The following IGSF9B variants were observed in gnomAD, a reference collection of about 807,000 sequenced individuals.
IGSF9B encodes immunoglobulin superfamily member 9B.
Under a neutral mutation model 143.7 loss-of-function variants are expected in IGSF9B, and 48 were observed. The ratio of observed to expected loss-of-function variants is 0.33; its 90% CI spans 0.26 to 0.42. The LOEUF is 0.42. Among genes scored for constraint, IGSF9B ranks in the 20% least tolerant of loss-of-function variants. The pLI, the probability that IGSF9B is intolerant of heterozygous loss-of-function variation, is 1.00. For synonymous variants in IGSF9B, 903 were observed against 833.1 expected, an observed-to-expected ratio of 1.08 and a Z score of -1.44; for missense variants, 1,706 against 1,980.0, an observed-to-expected ratio of 0.86 and a Z score of 2.63.
rs774578702 is a variant in IGSF9B at position 133,945,686 on chromosome 11, G to A, written c.262+375C>T. On this transcript the variant is annotated intron_variant, in intron 2 of 19. Transcript: ENST00000533871. This position sits in a 1 kb window ranked among gnomAD's most constrained non-coding sequence, Gnocchi z 4.6. Reference sequence around the variant, plus strand: ...TACACTCAGGACGGGAAGGCGCCCCGACTTCAGAGCCAAGAGGAAAGGGGT... The same window carrying A: ...TACACTCAGGACGGGAAGGCGCCCCAACTTCAGAGCCAAGAGGAAAGGGGT... Among the ~76,000 whole-genome samples the A allele has an allele frequency of 6.6e-6, 1 of 152,146 alleles. No individual in the cohort carries two copies. Among genetic ancestry groups the A allele is most frequent in the Non-Finnish European group, 1.5e-5 (1 of 68,044 alleles).
chr11:133,929,605 C>A, intron 12 of IGSF9B, 66 bp downstream of exon 12: 1 of 1,214,230 alleles, frequency 8.2e-7, no homozygotes, highest in Non-Finnish European at 1.2e-6. Flanking sequence ...GGGTAGCCTG[C>A]AGGAAGACCG....
At chr11:133,922,992 A>G (rs1050610093) in intron 15 of IGSF9B, among the ~76,000 whole-genome samples, 3 of 152,234 alleles carry the variant, frequency 2.0e-5, no homozygotes, top group African/African-American at 7.2e-5. Flanking sequence ...TAATGACTTC[A>G]AGAGTAATCT....
chr11:133,918,334 A>ACACCGGCCGGGGGG (rs1338406130), intron 18 of IGSF9B, among the ~76,000 whole-genome samples: 1 of 151,782 alleles, frequency 6.6e-6, no homozygotes. Context: ...GCAGTTACCA[A>ACACCGGCCGGGGGG]CACCGGCCGG....
Position 133,935,823 on chromosome 11 carries a change from A to G in IGSF9B, c.822-61T>C, listed in dbSNP as rs1174236490. On this transcript the variant is annotated intron_variant, in intron 6 of 19. Transcript: ENST00000533871. ...CAGAAGGGGATCTTGCCGCAGACAC[A>G]CAGTCACCGTCACTGCCCCAGATGT... is the stretch of plus-strand genomic sequence containing the variant. The G allele has an allele frequency of 2.8e-5, 44 of 1,573,382 alleles. No homozygotes were observed. In the South Asian group the frequency reaches 3.9e-4, roughly 14 times the overall value.
chr11:133,930,974 G>C lies in IGSF9B; in HGVS notation c.1519+10C>G. 1 of 1,604,342 alleles carries C rather than the reference G, an allele frequency of 6.2e-7. No individual in the cohort carries two copies. Among genetic ancestry groups the C allele is most frequent in the Non-Finnish European group, 8.5e-7 (1 of 1,174,754 alleles). ...CCCCGCCGCCCGGCCCAGCCTTGCC[G>C]GCCACGTACCGATGACGGTGAGGTG... On this transcript the variant is annotated intron_variant, in intron 11 of 19. Transcript: ENST00000533871.
At chr11:133,917,459 C>G (rs1237937353) in intron 18 of IGSF9B, among the ~76,000 whole-genome samples, 2 of 151,842 alleles carry the variant, frequency 1.3e-5, no homozygotes, top group African/African-American at 4.8e-5. Context: ...GAAGCCTGCC[C>G]CCTCCCCTCG....
At chr11:133,922,761 C>A in intron 15 of IGSF9B, 31 bp from the exon 16 acceptor site, 1 of 1,527,804 alleles carries the variant, frequency 6.5e-7, no homozygotes, top group South Asian at 1.2e-5. Context: ...ACTCATGAGC[C>A]CATCCTTCCC....
At chr11:133,947,532 C>T (rs566588487) in intron 1 of IGSF9B, among the ~76,000 whole-genome samples, 4 of 152,308 alleles carry the variant, frequency 2.6e-5, no homozygotes, top group African/African-American at 9.6e-5. Context: ...GGGGAGGATG[C>T]CCAGAGGAGG....
intron 13 of IGSF9B, 117 bp from the exon 14 acceptor site, chr11:133,926,082 G>A: frequency 1.4e-6 from 1 of 712,944 alleles, no homozygotes; most frequent in Non-Finnish European, 2.4e-6. Context: ...TCAGGGCCCG[G>A]GGCCCAGGGC....
chr11:133,931,938 A>C lies in IGSF9B; in HGVS notation c.1110+133T>G. 1 of 1,487,742 alleles carries C rather than the reference A, an allele frequency of 6.7e-7. No individual in the cohort carries two copies. The highest frequency in any genetic ancestry group is 9.0e-7 in the Non-Finnish European group (1 of 1,105,796). 92.2% of individuals were successfully genotyped at this position (1,487,742 alleles called of 1,614,324 possible). Reference sequence around the variant, plus strand: ...GCGGGCGGCACCCGCAGACCCCTACAGAAGCAGCTCTCTGTTTGCCCAGGG... The same window carrying C: ...GCGGGCGGCACCCGCAGACCCCTACCGAAGCAGCTCTCTGTTTGCCCAGGG... On this transcript the variant is annotated intron_variant, in intron 8 of 19. Coordinates refer to ENST00000533871, the MANE Select transcript of IGSF9B (RefSeq NM_001277285.4). The surrounding 1 kb of genome is among the most constrained non-coding windows in gnomAD (Gnocchi z 7.7).
At chr11:133,922,348 C>CT in intron 16 of IGSF9B, 126 bp from the exon 17 acceptor site, 1 of 983,226 alleles carries the variant, frequency 1.0e-6, no homozygotes, top group East Asian at 2.7e-5. Flanking sequence ...CAGTGGGCAT[C>CT]TTTGGCCCCT....
chr11:133,955,405 C>G (rs991989837), intron 1 of IGSF9B, among the ~76,000 whole-genome samples: 3 of 152,222 alleles, frequency 2.0e-5, no homozygotes, highest in Non-Finnish European at 4.4e-5. Flanking sequence ...GAAGCAGAGG[C>G]GACATATTCA....
rs1175764213 is a variant in IGSF9B at position 133,898,235 on chromosome 11, A to T, written c.*10834T>A. The T allele has an allele frequency of 6.6e-6, 1 of 152,154 alleles. No individual in the cohort carries two copies. Among genetic ancestry groups the T allele is most frequent in the Admixed American group, 6.5e-5 (1 of 15,284 alleles). 9.4% of individuals were successfully genotyped at this position (152,154 alleles called of 1,614,324 possible). The stretch of plus-strand genomic sequence containing the variant: ...AAAGAGTTCGAAATGAGAGCAAGAA[A>T]TCTCATGACGAAACTGACAGTCATA... On this transcript the variant is annotated 3_prime_UTR_variant, in exon 20 of 20. Coordinates refer to ENST00000533871, the MANE Select transcript of IGSF9B (RefSeq NM_001277285.4).
In IGSF9B at chr11:133,922,676, G is replaced by A; in HGVS notation, c.2174C>T (p.Ala725Val). ...TEDGLARPVL[A>V]GIVATICFLA... ...GAAGCAGATGGTAGCTACGATTCCC[G>A]CCAGCACAGGCCGCGCCAGCCCATC... Residue 725 changes from alanine (A) to valine (V), a missense_variant, in exon 16 of 20, where the codon GCG becomes GTG. Ala to Val is a moderately conservative substitution (Grantham distance 64). Coordinates refer to ENST00000533871, the MANE Select transcript of IGSF9B (RefSeq NM_001277285.4). The A allele has an allele frequency of 1.3e-6, 2 of 1,590,576 alleles. No individual in the cohort carries two copies. Among genetic ancestry groups the A allele is most frequent in the Non-Finnish European group, 1.7e-6 (2 of 1,169,276 alleles).
At chr11:133,932,375 C>T (rs965395387) in intron 7 of IGSF9B, among the ~76,000 whole-genome samples, 162 bp from the exon 8 acceptor site, 21 of 128,972 alleles carry the variant, frequency 1.6e-4, no homozygotes, top group Non-Finnish European at 1.7e-4. Flanking sequence ...CAGACAGACA[C>T]GGGGACAGAC....
In IGSF9B at chr11:133,956,688, C is replaced by A. The variant is rs1298471169; in HGVS notation, c.64+3G>T. On this transcript the variant is annotated splice_donor_region_variant and intron_variant, in intron 1 of 19. Coordinates refer to ENST00000533871, the MANE Select transcript of IGSF9B (RefSeq NM_001277285.4). ...AGGGGAGGGACGCCGCACTTCAACT[C>A]ACCTTCAGCCGCAAGCCCTCGGGTG... 1 of 1,541,804 alleles carries A rather than the reference C, an allele frequency of 6.5e-7. No homozygotes were observed. Among genetic ancestry groups the A allele is most frequent in the Non-Finnish European group, 8.7e-7 (1 of 1,145,066 alleles).
chr11:133,951,358 G>A (rs902742342), intron 1 of IGSF9B, among the ~76,000 whole-genome samples: 2 of 152,086 alleles, frequency 1.3e-5, no homozygotes, highest in African/African-American at 2.4e-5. Context: ...CAGCCCTCCC[G>A]GCCCCCACGC....
intron 1 of IGSF9B, among the ~76,000 whole-genome samples, chr11:133,951,004 C>T (rs1377810540): frequency 6.6e-6 from 1 of 152,162 alleles, no homozygotes; most frequent in Non-Finnish European, 1.5e-5. Context: ...CCAAAAAAGG[C>T]ACAGCCCCCA....
At chr11:133,930,201 T>C (rs1939697280) in intron 11 of IGSF9B, among the ~76,000 whole-genome samples, 2 of 152,128 alleles carry the variant, frequency 1.3e-5, no homozygotes, top group Admixed American at 1.3e-4. Context: ...AATGCTGGCA[T>C]GTGGGCAGCA....
Sources: allele counts gnomAD v4.1 joint callset (sites outside exome capture counted in the v4.1 genomes callset), GRCh38; gene constraint gnomAD v4.1.1; non-coding constraint Gnocchi (gnomAD v3.1); transcripts MANE v1.5; gene names NCBI Gene and HGNC (gene_info 2026-07-23, HGNC 2026-07-21).